IL22RA2: variants seen among roughly 807,000 people sequenced by gnomAD.
IL22RA2 encodes the protein interleukin-22 receptor subunit alpha-2.
IL22RA2 carries 39 observed loss-of-function variants against 30.7 expected under a neutral mutation model. That is an observed-to-expected ratio of 1.27 (90% CI 0.98 to 1.66). The LOEUF (loss-of-function observed/expected upper bound fraction) is 1.66, where lower values mean the gene tolerates loss of function less well. Among genes scored for constraint, IL22RA2 ranks in the 40% most tolerant of loss-of-function variants. The pLI is 0.00. For missense variants in IL22RA2, 315 were observed against 312.7 expected (o/e 1.01, Z -0.05); for synonymous variants, 103 against 105.0 (o/e 0.98, Z 0.11).
At chr6:137,150,164 C>T (rs1007092721) in intron 5 of IL22RA2, among the ~76,000 whole-genome samples, 14 of 152,188 alleles carry the variant, frequency 9.2e-5, no homozygotes, top group African/African-American at 3.4e-4. Context: ...TCCTGCTGCT[C>T]AAAAACAGGT....
chr6:137,148,826 A>G (rs1778231941), intron 5 of IL22RA2, among the ~76,000 whole-genome samples: 1 of 152,190 alleles, frequency 6.6e-6, no homozygotes, highest in African/African-American at 2.4e-5. Flanking sequence ...CACATATTTC[A>G]GGCATTGTCC....
intron 1 of IL22RA2, among the ~76,000 whole-genome samples, chr6:137,169,081 T>A (rs1414561877): frequency 1.3e-5 from 2 of 152,232 alleles, no homozygotes; most frequent in Non-Finnish European, 2.9e-5. Context: ...AATTTTACCT[T>A]GCCTGAATTT....
At chr6:137,158,753 C>T (rs924101520) in intron 2 of IL22RA2, among the ~76,000 whole-genome samples, 1 of 151,958 alleles carries the variant, frequency 6.6e-6, no homozygotes, top group Admixed American at 6.6e-5. Flanking sequence ...AAGTAAATTG[C>T]ATTAAAAAAA....
chr6:137,145,708 G>T lies in IL22RA2; in HGVS notation c.708C>A (p.Ser236Arg), dbSNP rs779408955. The T allele has an allele frequency of 6.2e-7, 1 of 1,613,706 alleles. No homozygotes were observed. The highest frequency in any genetic ancestry group is 8.5e-7 in the Non-Finnish European group (1 of 1,179,748). The stretch of plus-strand genomic sequence containing the variant: ...GATATATTTCAGCCACTACACAGTA[G>T]CTGGAGTGTGGTGTTAGAGCTTCAA... Reference protein sequence around the residue: ...VEIEALTPHSSYCVVAEIYQP... With the variant: ...VEIEALTPHSRYCVVAEIYQP... Residue 236 changes from serine to arginine, a missense_variant, in exon 7 of 7, where the codon AGC becomes AGA. Physicochemically the swap from Ser to Arg is moderately radical, Grantham distance 110 (BLOSUM62 -1). Coordinates refer to ENST00000296980, the MANE Select transcript of IL22RA2 (RefSeq NM_052962.3).
rs779884183 is a variant in IL22RA2, at chr6:137,158,334, T to A, written c.197+13A>T. 6.2e-7 allele frequency: 1 copy of A among 1,613,882 alleles called. No homozygotes were observed. Among genetic ancestry groups the A allele is most frequent in the Admixed American group, 1.7e-5 (1 of 60,024 alleles). On this transcript the variant is annotated intron_variant, in intron 3 of 6. Coordinates refer to ENST00000296980, the MANE Select transcript of IL22RA2 (RefSeq NM_052962.3). ...GCCATCTCTATCAGCTGAAGGAGGC[T>A]CAATTTACTTACATTTTGTACTGCA...
At chr6:137,151,267 CGTCTATG>C (rs1240393073) in intron 5 of IL22RA2, among the ~76,000 whole-genome samples, 1 of 152,170 alleles carries the variant, frequency 6.6e-6, no homozygotes, top group Non-Finnish European at 1.5e-5. Context: ...ATAAACTACA[CGTCTATG>C]GTCTATTGAT....
chr6:137,154,836 G>T, intron 5 of IL22RA2, 105 bp downstream of exon 5: 1 of 869,282 alleles, frequency 1.2e-6, no homozygotes, highest in Non-Finnish European at 1.9e-6. Context: ...AAGAGATAAT[G>T]ATGTAGAGAC....
At chr6:137,159,582 C>CA (rs1778479633) in intron 2 of IL22RA2, among the ~76,000 whole-genome samples, 1 of 152,176 alleles carries the variant, frequency 6.6e-6, no homozygotes, top group Admixed American at 6.5e-5. Flanking sequence ...CTCGGCCTCC[C>CA]AAAGTGCTGG....
At chr6:137,154,301 C>T (rs549057432) in intron 5 of IL22RA2, among the ~76,000 whole-genome samples, 1 of 152,210 alleles carries the variant, frequency 6.6e-6, no homozygotes, top group Admixed American at 6.5e-5. Context: ...GGCACTATGA[C>T]AAATTCTGCT....
intron 5 of IL22RA2, among the ~76,000 whole-genome samples, chr6:137,151,174 A>G (rs1251037686): frequency 6.6e-6 from 1 of 152,228 alleles, no homozygotes; most frequent in Non-Finnish European, 1.5e-5. Context: ...AAAGCTTACT[A>G]CAAAGCAACA....
Position 137,145,690 on chromosome 6 carries a change from T to C in IL22RA2, c.726A>G (p.Glu242=). 6.2e-7 allele frequency: 1 copy of C among 1,612,812 alleles called. No individual in the cohort carries two copies. Among genetic ancestry groups the C allele is most frequent in the Non-Finnish European group, 8.5e-7 (1 of 1,178,906 alleles). The change falls in exon 7 of 7, where the codon GAA becomes GAG. Residue 242 remains glutamate (E), a synonymous_variant. Transcript: ENST00000296980. ...TTCTGTCTAACATGGGCTGATATAT[T>C]TCAGCCACTACACAGTAGCTGGAGT... is the stretch of plus-strand genomic sequence containing the variant. The part of the protein sequence containing the change: ...TPHSSYCVVA[E]IYQPMLDRRS...
intron 1 of IL22RA2, among the ~76,000 whole-genome samples, chr6:137,168,443 C>T (rs28741407): frequency 0.011 from 1,691 of 152,220 alleles, 30 homozygotes; most frequent in African/African-American, 0.038. Flanking sequence ...ATAAAGGGCC[C>T]GTCTCCATAT....
At position 137,158,531 on chromosome 6, in the gene IL22RA2, C is replaced by T. The variant is rs371564041; in HGVS notation, c.62-49G>A. 169 of 1,595,680 alleles carry T rather than the reference C, an allele frequency of 1.1e-4. 1 individual carries two copies. The highest frequency in any genetic ancestry group is 8.3e-4 in the Middle Eastern group (5 of 6,038). On this transcript the variant is annotated intron_variant, in intron 2 of 6. Transcript: ENST00000296980. Reference sequence around the variant, plus strand: ...ACATTGAACGTTGCTTGGAGCACTGCTGTTCCCAGCAGTAGTTTTCAGTGG... The same window carrying T: ...ACATTGAACGTTGCTTGGAGCACTGTTGTTCCCAGCAGTAGTTTTCAGTGG...
At chr6:137,154,901 A>G in intron 5 of IL22RA2, 40 bp downstream of exon 5, 1 of 1,598,220 alleles carries the variant, frequency 6.3e-7, no homozygotes, top group Non-Finnish European at 8.6e-7. Context: ...GCTGTCCAAA[A>G]GCAGGAAGAA....
intron 1 of IL22RA2, among the ~76,000 whole-genome samples, chr6:137,169,978 C>T (rs534562513): frequency 3.3e-5 from 5 of 152,316 alleles, no homozygotes; most frequent in East Asian, 1.9e-4. Context: ...CTTTGGAGGA[C>T]GGTTTTCATG....
intron 1 of IL22RA2, among the ~76,000 whole-genome samples, chr6:137,173,199 C>T (rs1778777562): frequency 1.3e-5 from 2 of 152,086 alleles, no homozygotes; most frequent in Admixed American, 1.3e-4. Context: ...TGGTGCAACC[C>T]CGTCTGTACT....
intron 5 of IL22RA2, among the ~76,000 whole-genome samples, chr6:137,151,605 T>TA (rs1778293098): frequency 6.6e-6 from 1 of 152,112 alleles, no homozygotes; most frequent in African/African-American, 2.4e-5. Context: ...ATCAAGAAAG[T>TA]AAAAAGACAA....
intron 1 of IL22RA2, among the ~76,000 whole-genome samples, chr6:137,167,392 C>T (rs1225918764): frequency 4.6e-5 from 7 of 152,054 alleles, no homozygotes; most frequent in Non-Finnish European, 8.8e-5. Context: ...TGGCCGACAC[C>T]CTGATCATAA....
chr6:137,173,235 G>T (rs557123019), intron 1 of IL22RA2, among the ~76,000 whole-genome samples, 178 bp downstream of exon 1: 7 of 152,310 alleles, frequency 4.6e-5, no homozygotes, highest in African/African-American at 1.4e-4. Context: ...AGCCAGGCGT[G>T]ACGGTGTGTG....
Sources: allele counts gnomAD v4.1 joint callset (sites outside exome capture counted in the v4.1 genomes callset), GRCh38; gene constraint gnomAD v4.1.1; transcripts MANE v1.5; gene names NCBI Gene and HGNC (gene_info 2026-07-23, HGNC 2026-07-21).